RPSA2: variants seen among roughly 807,000 people sequenced by gnomAD.
RPSA2 encodes the protein ribosomal protein SA 2.
the RPSA2 span, among the ~76,000 whole-genome samples, chr19:23,869,588 G>T: frequency 1.3e-5 from 2 of 152,158 alleles, no homozygotes; most frequent in Non-Finnish European, 2.9e-5. Flanking sequence ...CAGAAATCAT[G>T]ACACAAACTT....
chr19:23,776,825 G>A, the RPSA2 span, among the ~76,000 whole-genome samples: 1 of 152,186 alleles, frequency 6.6e-6, no homozygotes, highest in African/African-American at 2.4e-5. Flanking sequence ...TGTGTCTTCA[G>A]CCTGGACCCT....
chr19:23,835,669 C>T, the RPSA2 span, among the ~76,000 whole-genome samples: 2 of 151,870 alleles, frequency 1.3e-5, no homozygotes, highest in Non-Finnish European at 2.9e-5. Flanking sequence ...TAGAGTCTTG[C>T]TCTGTCTCCC....
the RPSA2 span, among the ~76,000 whole-genome samples, chr19:23,858,304 G>A: frequency 6.6e-6 from 1 of 151,744 alleles, no homozygotes; most frequent in Admixed American, 6.6e-5. Flanking sequence ...TAGTTTTAAT[G>A]TACATTGTTA....
chr19:23,828,141 CAATAATTATGAGTCTATA>C, the RPSA2 span: 2 of 677,528 alleles, frequency 3.0e-6, no homozygotes, highest in Non-Finnish European at 5.0e-6. Context: ...AAAAATGCTG[CAATAATTATGAGTCTATA>C]AATGACTACT....
chr19:23,848,282 A>G, the RPSA2 span, among the ~76,000 whole-genome samples: 1 of 152,152 alleles, frequency 6.6e-6, no homozygotes, highest in Non-Finnish European at 1.5e-5. Context: ...ACTTCCCACA[A>G]CATCTCTCCC....
chr19:23,785,468 A>G, the RPSA2 span, among the ~76,000 whole-genome samples: 1 of 152,262 alleles, frequency 6.6e-6, no homozygotes, highest in East Asian at 1.9e-4. Context: ...CAGAAAAATT[A>G]TCACTAGGCC....
the RPSA2 span, among the ~76,000 whole-genome samples, chr19:23,850,006 C>T: frequency 6.6e-6 from 1 of 152,036 alleles, no homozygotes; most frequent in African/African-American, 2.4e-5. Flanking sequence ...AGATAAGCAG[C>T]CCAGACTTGA....
chr19:23,828,741 G>A, the RPSA2 span, among the ~76,000 whole-genome samples: 8 of 151,794 alleles, frequency 5.3e-5, no homozygotes, highest in African/African-American at 1.9e-4. Flanking sequence ...GTTGAGGAGT[G>A]TTCTCCATAA....
chr19:23,763,717 T>TTGGCCCCCCAGGC, the RPSA2 span, among the ~76,000 whole-genome samples: 1 of 152,292 alleles, frequency 6.6e-6, no homozygotes, highest in South Asian at 2.1e-4. Context: ...TCCGCCAGCC[T>TTGGCCCCCCAGGC]TGGCCCCCCA....
chr19:23,806,536 A>G, the RPSA2 span, among the ~76,000 whole-genome samples: 1 of 152,010 alleles, frequency 6.6e-6, no homozygotes, highest in African/African-American at 2.4e-5. Flanking sequence ...CTGTAATCCC[A>G]AAACTTTGGG....
the RPSA2 span, chr19:23,833,009 C>T: frequency 2.1e-6 from 3 of 1,418,308 alleles, no homozygotes; most frequent in Non-Finnish European, 1.9e-6. Context: ...AGGCAGTCTT[C>T]AATTTTTGCT....
At chr19:23,845,563 C>T in the RPSA2 span, among the ~76,000 whole-genome samples, 4 of 152,200 alleles carry the variant, frequency 2.6e-5, no homozygotes, top group African/African-American at 9.7e-5. Flanking sequence ...ACAATCTTGG[C>T]TCACTGCAAC....
the RPSA2 span, chr19:23,817,664 G>A: frequency 7.7e-5 from 2 of 25,912 alleles, no homozygotes; most frequent in African/African-American, 2.0e-4. Context: ...AAAAAGCTGA[G>A]CCTTGGACTA....
chr19:23,801,257 G>C, the RPSA2 span, among the ~76,000 whole-genome samples: 1 of 149,062 alleles, frequency 6.7e-6, no homozygotes, highest in Admixed American at 6.8e-5. Context: ...GGAGGGTTGG[G>C]GGGGATGGAG....
chr19:23,864,590 A>T, the RPSA2 span, among the ~76,000 whole-genome samples: 13 of 152,184 alleles, frequency 8.5e-5, no homozygotes, highest in African/African-American at 2.9e-4. Context: ...ATAAGTAGCT[A>T]TGAATTGCTT....
the RPSA2 span, among the ~76,000 whole-genome samples, chr19:23,830,782 T>C: frequency 3.3e-5 from 5 of 152,160 alleles, no homozygotes; most frequent in East Asian, 9.6e-4. Context: ...TTTTATGCTT[T>C]CTTTCAGAAA....
At chr19:23,761,931 T>TCC in the RPSA2 span, among the ~76,000 whole-genome samples, 8 of 61,708 alleles carry the variant, frequency 1.3e-4, no homozygotes, top group African/African-American at 4.5e-4. Flanking sequence ...TTTTTTTTTT[T>TCC]TTTTGAGATG....
chr19:23,763,302 C>T, the RPSA2 span, among the ~76,000 whole-genome samples: 10 of 152,228 alleles, frequency 6.6e-5, no homozygotes, highest in Non-Finnish European at 5.9e-5. Flanking sequence ...CAGCCGGGAC[C>T]CCAGCGTCCA....
At chr19:23,858,904 C>A in the RPSA2 span, among the ~76,000 whole-genome samples, 1 of 152,242 alleles carries the variant, frequency 6.6e-6, no homozygotes, top group Non-Finnish European at 1.5e-5. Flanking sequence ...AAATTAGACA[C>A]TGCCTCCTGA....
Sources: gnomAD v4.1 joint callset for allele counts (sites outside exome capture counted in the v4.1 genomes callset) on GRCh38, gnomAD v4.1.1 for gene constraint, MANE v1.5 for transcripts, NCBI Gene and HGNC (gene_info 2026-07-23, HGNC 2026-07-21) for gene names.